Variants in TTC6 observed in about 807,000 individuals in gnomAD.
The protein encoded by TTC6 is tetratricopeptide repeat protein 6.
Under a neutral mutation model 210.4 loss-of-function variants are expected in TTC6, and 172 were observed. That is an observed-to-expected ratio of 0.82 (90% CI 0.72 to 0.93). The LOEUF is 0.93. TTC6 is among the 40% of genes least tolerant of loss of function. The pLI is 0.00. For missense variants in TTC6, 2,414 were observed against 2,318.1 expected, an observed-to-expected ratio of 1.04 and a Z score of -0.85; for synonymous variants, 804 against 819.6, an observed-to-expected ratio of 0.98 and a Z score of 0.32.
intron 7 of TTC6, among the ~76,000 whole-genome samples, chr14:37,727,763 T>C (rs1223981047): frequency 2.0e-5 from 3 of 152,206 alleles, no homozygotes; most frequent in African/African-American, 7.2e-5. Context: ...ATTTTCCTTT[T>C]CTTTTTGATA....
intron 10 of TTC6, among the ~76,000 whole-genome samples, chr14:37,739,583 A>G (rs1373980297): frequency 5.2e-4 from 77 of 148,310 alleles, no homozygotes; most frequent in Non-Finnish European, 9.5e-4. Flanking sequence ...AAAAAAAAAA[A>G]AAAAAAAGAA....
At chr14:37,763,554 C>T (rs986529125) in intron 14 of TTC6, among the ~76,000 whole-genome samples, 2 of 152,062 alleles carry the variant, frequency 1.3e-5, no homozygotes, top group African/African-American at 2.4e-5. Flanking sequence ...CTAGGAATTT[C>T]GTCATTTCTT....
chr14:37,680,838 A>G (rs533150224), intron 2 of TTC6, among the ~76,000 whole-genome samples: 1 of 152,298 alleles, frequency 6.6e-6, no homozygotes, highest in East Asian at 1.9e-4. Flanking sequence ...CTCTACAAAG[A>G]GTTCATAAAA....
At chr14:37,833,839 G>A (rs1180388508) in intron 29 of TTC6, among the ~76,000 whole-genome samples, 1 of 152,098 alleles carries the variant, frequency 6.6e-6, no homozygotes, top group African/African-American at 2.4e-5. Context: ...GCTGCCAGAT[G>A]TAAAAATCTC....
At chr14:37,808,338 G>A (rs531433848) in intron 23 of TTC6, among the ~76,000 whole-genome samples, 53 of 152,252 alleles carry the variant, frequency 3.5e-4, no homozygotes, top group African/African-American at 1.2e-3. Context: ...AAAACATGAC[G>A]ATTATGTGAT....
At chr14:37,751,143 C>T (rs181451493) in exon 13 of TTC6, 1 of 1,532,936 alleles carries the variant, frequency 6.5e-7, no homozygotes, top group East Asian at 2.5e-5. Context: ...AAATCCACGC[C>T]CACAGATGCT....
chr14:37,786,722 C>A (rs143419707), intron 14 of TTC6, among the ~76,000 whole-genome samples: 4 of 152,182 alleles, frequency 2.6e-5, no homozygotes, highest in Non-Finnish European at 5.9e-5. Flanking sequence ...ATCGCTCACG[C>A]GGGGAGCTGT....
At chr14:37,723,269 A>T (rs56223359) in intron 6 of TTC6, among the ~76,000 whole-genome samples, 8,704 of 152,068 alleles carry the variant, frequency 0.057, 381 homozygotes, top group Non-Finnish European at 0.089. Context: ...GGGTCTCTTT[A>T]TTGGGGAATA....
At chr14:37,796,908 T>G in exon 20 of TTC6, 1 of 1,605,958 alleles carries the variant, frequency 6.2e-7, no homozygotes, top group South Asian at 1.1e-5. Flanking sequence ...CCATGTGTGC[T>G]CTATTAGCAA....
chr14:37,786,609 T>C (rs541280300), intron 14 of TTC6, among the ~76,000 whole-genome samples: 7 of 152,318 alleles, frequency 4.6e-5, no homozygotes, highest in African/African-American at 1.7e-4. Context: ...TTTGGCTCAC[T>C]GTCCGTGGGC....
At chr14:37,657,257 G>A (rs1400815272) in intron 1 of TTC6, among the ~76,000 whole-genome samples, 2 of 147,790 alleles carry the variant, frequency 1.4e-5, no homozygotes. Context: ...AATGTGTTGT[G>A]GGATCAATAA....
chr14:37,723,332 G>T (rs116865737), intron 6 of TTC6, among the ~76,000 whole-genome samples: 295 of 152,180 alleles, frequency 1.9e-3, no homozygotes, highest in Non-Finnish European at 3.6e-3. Flanking sequence ...ACTGGGCATT[G>T]TTGCTTCTAG....
At chr14:37,662,546 A>G (rs12147542) in intron 1 of TTC6, among the ~76,000 whole-genome samples, 29,902 of 152,010 alleles carry the variant, frequency 0.2, 3,347 homozygotes, top group South Asian at 0.27. Context: ...TTTGGATTTT[A>G]CATTTAAGTC....
chr14:37,668,417 T>G (rs2095752321), intron 1 of TTC6, among the ~76,000 whole-genome samples: 1 of 150,332 alleles, frequency 6.7e-6, no homozygotes, highest in African/African-American at 2.4e-5. Context: ...GACTTTAGCT[T>G]GGTCAGCTCT....
At chr14:37,785,629 C>T (rs981624006) in intron 14 of TTC6, among the ~76,000 whole-genome samples, 2 of 152,204 alleles carry the variant, frequency 1.3e-5, no homozygotes, top group African/African-American at 2.4e-5. Flanking sequence ...CTCAACTCGT[C>T]GAAGTCATTC....
At chr14:37,820,906 C>T (rs1289694626) in intron 26 of TTC6, among the ~76,000 whole-genome samples, 2 of 150,102 alleles carry the variant, frequency 1.3e-5, no homozygotes, top group Non-Finnish European at 3.0e-5. Flanking sequence ...TCTCCTCCTT[C>T]TCCTCCTCCT....
intron 6 of TTC6, among the ~76,000 whole-genome samples, chr14:37,723,232 G>C (rs1352647626): frequency 6.6e-6 from 1 of 151,980 alleles, no homozygotes; most frequent in African/African-American, 2.4e-5. Context: ...CCCAGTCCTA[G>C]AATCAGCCAT....
At chr14:37,683,115 A>G (rs2095787596) in intron 3 of TTC6, among the ~76,000 whole-genome samples, 151 bp downstream of exon 5, 1 of 152,148 alleles carries the variant, frequency 6.6e-6, no homozygotes, top group African/African-American at 2.4e-5. Flanking sequence ...CAGAAGTGCA[A>G]GTTGCCCACT....
intron 29 of TTC6, among the ~76,000 whole-genome samples, chr14:37,832,234 A>G (rs1187287210): frequency 6.8e-6 from 1 of 147,896 alleles, no homozygotes; most frequent in Non-Finnish European, 1.5e-5. Context: ...AGTTTTGTTT[A>G]TCTTTACAAA....
Sources: allele counts gnomAD v4.1 joint callset (sites outside exome capture counted in the v4.1 genomes callset), GRCh38; gene constraint gnomAD v4.1.1; transcripts MANE v1.5; gene names NCBI Gene and HGNC (gene_info 2026-07-23, HGNC 2026-07-21).